Variants in MBD5 observed in about 807,000 individuals in gnomAD.
The protein encoded by MBD5 is methyl-CpG-binding domain protein 5.
In MBD5, 13 loss-of-function variants were observed where a neutral mutation model predicts 117.3. That is an observed-to-expected ratio of 0.11 (90% CI 0.07 to 0.18). The LOEUF (loss-of-function observed/expected upper bound fraction) is 0.18. MBD5 is among the 10% of genes least tolerant of loss of function. MBD5 has a pLI of 1.00. For synonymous variants in MBD5, 727 were observed against 766.4 expected (o/e 0.95, Z 0.85); for missense variants, 1,879 against 2,093.8 (o/e 0.90, Z 2.00).
At chr2:148,415,298 G>T (rs1485654052) in intron 4 of MBD5, among the ~76,000 whole-genome samples, 1 of 151,946 alleles carries the variant, frequency 6.6e-6, no homozygotes, top group Non-Finnish European at 1.5e-5. Flanking sequence ...TAAGCCCCCA[G>T]TCTCTTCTGG....
intron 1 of MBD5, among the ~76,000 whole-genome samples, chr2:148,112,379 A>G (rs1255182818): frequency 2.6e-5 from 4 of 152,178 alleles, no homozygotes; most frequent in African/African-American, 2.4e-5. Flanking sequence ...CTAAACTAAA[A>G]TGTTCTGTTC....
chr2:148,417,105 G>A (rs1705442175), intron 4 of MBD5, among the ~76,000 whole-genome samples: 3 of 151,876 alleles, frequency 2.0e-5, no homozygotes, highest in South Asian at 4.2e-4. Context: ...ACATACATGT[G>A]CAGGTATCTT....
At chr2:148,404,604 C>A (rs1033793188) in intron 4 of MBD5, among the ~76,000 whole-genome samples, 1 of 152,302 alleles carries the variant, frequency 6.6e-6, no homozygotes, top group Non-Finnish European at 1.5e-5. Context: ...AAGCTCTTTG[C>A]GTGCAGCCTG....
At chr2:148,217,549 A>T (rs1442197228) in intron 2 of MBD5, among the ~76,000 whole-genome samples, 1 of 152,148 alleles carries the variant, frequency 6.6e-6, no homozygotes, top group East Asian at 1.9e-4. Context: ...CACACTATGG[A>T]ATGTTCCAAG....
chr2:148,483,053 T>A (rs986457850), intron 8 of MBD5, 57 bp from the exon 9 acceptor site: 2 of 1,574,494 alleles, frequency 1.3e-6, no homozygotes, highest in African/African-American at 2.7e-5. Flanking sequence ...ATGCCTAGTC[T>A]CACATAACAT....
At chr2:148,447,557 T>C (rs1706600279) in intron 4 of MBD5, 1 of 152,164 alleles carries the variant, frequency 6.6e-6, no homozygotes, top group South Asian at 2.1e-4. Context: ...CAAGGTACTT[T>C]CTATTCCAGA....
chr2:148,152,868 A>G (rs1398171337), intron 1 of MBD5, among the ~76,000 whole-genome samples: 1 of 151,838 alleles, frequency 6.6e-6, no homozygotes, highest in Non-Finnish European at 1.5e-5. Flanking sequence ...AATACAGCAC[A>G]CTGATGGGTC....
At position 148,458,824 on chromosome 2, in the gene MBD5, T is replaced by C. The variant is rs1706965681; in HGVS notation, c.66T>C (p.Pro22=). 2 of 1,613,718 alleles carry C rather than the reference T, an allele frequency of 1.2e-6. No homozygotes were observed. Among genetic ancestry groups the C allele is most frequent in the African/African-American group, 1.3e-5 (1 of 74,996 alleles). Residue 22 remains proline, a synonymous_variant, in exon 5 of 14, where the codon CCT becomes CCC. Coordinates refer to ENST00000642680, the MANE Select transcript of MBD5 (RefSeq NM_001378120.1). ...KEGGLPAIQV[P]VGWQRRVDQN... ...GAGGTCTTCCAGCTATACAAGTTCC[T>C]GTGGGTTGGCAGCGTCGTGTGGATC... is the stretch of plus-strand genomic sequence containing the variant.
intron 2 of MBD5, among the ~76,000 whole-genome samples, chr2:148,188,954 G>A (rs1166381585): frequency 6.6e-6 from 1 of 151,574 alleles, no homozygotes; most frequent in African/African-American, 2.4e-5. Flanking sequence ...GGAAGCGCAA[G>A]GGGTCAGGGA....
chr2:148,112,656 T>C (rs16828260), intron 1 of MBD5, among the ~76,000 whole-genome samples: 3,262 of 152,308 alleles, frequency 0.021, 123 homozygotes, highest in African/African-American at 0.074. Context: ...GAATCATTAT[T>C]TCATTTGTTA....
At chr2:148,145,619 T>G (rs561632045) in intron 1 of MBD5, among the ~76,000 whole-genome samples, 9 of 152,180 alleles carry the variant, frequency 5.9e-5, no homozygotes, top group Admixed American at 5.2e-4. Flanking sequence ...TTGAGATACA[T>G]CCCATCAATA....
At chr2:148,419,516 TATC>T (rs1342116100) in intron 4 of MBD5, among the ~76,000 whole-genome samples, 3 of 152,154 alleles carry the variant, frequency 2.0e-5, no homozygotes, top group African/African-American at 7.2e-5. Flanking sequence ...ATTGCTCCAA[TATC>T]ATTTATTGAA....
intron 1 of MBD5, among the ~76,000 whole-genome samples, chr2:148,154,712 C>A (rs955327350): frequency 2.6e-5 from 4 of 152,184 alleles, no homozygotes; most frequent in Non-Finnish European, 5.9e-5. Flanking sequence ...TGTCCGTCAC[C>A]CCTTTCTTTG....
At position 148,489,984 on chromosome 2, in the gene MBD5, A is replaced by T; in HGVS notation, c.4352A>T (p.His1451Leu). ...TGGAAGTACGAGGAATTTTTAGATC[A>T]TCCAGGCCATATCCACAGTAGTCCT... ...NRWKYEEFLD[H>L]PGHIHSSPCH... Residue 1451 changes from histidine to leucine, a missense_variant, in exon 11 of 14, where the codon CAT becomes CTT. Physicochemically the swap from His to Leu is moderately conservative, Grantham distance 99. This residue lies in a region of MBD5 where 1,666 missense variants were observed against 1,792.2 expected (regional missense o/e 0.93). Transcript: ENST00000642680. 1 of 1,613,996 alleles carries T rather than the reference A, an allele frequency of 6.2e-7. No homozygotes were observed. The highest frequency in any genetic ancestry group is 8.5e-7 in the Non-Finnish European group (1 of 1,179,982).
chr2:148,095,229 A>C (rs1296546818), intron 1 of MBD5, among the ~76,000 whole-genome samples: 1 of 152,180 alleles, frequency 6.6e-6, no homozygotes, highest in East Asian at 1.9e-4. Flanking sequence ...CTTATTTTCA[A>C]ATTCCTAAAA....
intron 1 of MBD5, among the ~76,000 whole-genome samples, chr2:148,168,940 T>C (rs1698193327): frequency 6.7e-6 from 1 of 149,438 alleles, no homozygotes; most frequent in Non-Finnish European, 1.5e-5. Flanking sequence ...TATATATACA[T>C]ATATATACAC....
intron 1 of MBD5, among the ~76,000 whole-genome samples, chr2:148,134,691 A>G (rs1255697538): frequency 6.6e-6 from 1 of 152,158 alleles, no homozygotes. Flanking sequence ...ACGTAGTTCA[A>G]TACTTTTGGT....
At chr2:148,271,437 T>C (rs546041965) in intron 3 of MBD5, among the ~76,000 whole-genome samples, 11 of 152,270 alleles carry the variant, frequency 7.2e-5, no homozygotes, top group African/African-American at 2.6e-4. Flanking sequence ...GAAGTTATTT[T>C]CCCAAGACAA....
intron 2 of MBD5, among the ~76,000 whole-genome samples, chr2:148,231,075 C>A (rs1014218353): frequency 1.3e-5 from 2 of 152,158 alleles, no homozygotes; most frequent in Non-Finnish European, 2.9e-5. Context: ...TCACATACCC[C>A]CCTCCTCCAG....
Sources: gnomAD v4.1 joint callset for allele counts (sites outside exome capture counted in the v4.1 genomes callset) on GRCh38, gnomAD v4.1.1 for gene constraint, gnomAD v4.1.1 regional missense constraint, MANE v1.5 for transcripts, NCBI Gene and HGNC (gene_info 2026-07-23, HGNC 2026-07-21) for gene names.